Variants in MAST2 observed in about 807,000 individuals in gnomAD.
The protein encoded by MAST2 is microtubule associated serine/threonine kinase 2, also known as microtubule-associated serine/threonine-protein kinase 2.
Under a neutral mutation model 147.4 loss-of-function variants are expected in MAST2, and 70 were observed. The observed-to-expected ratio is 0.47, with a 90% confidence interval of 0.39 to 0.58. MAST2 has a LOEUF of 0.58. Ranked by LOEUF, MAST2 falls within the 20% of genes least tolerant of loss-of-function variation. The probability of loss-of-function intolerance (pLI) is 0.00; values close to 1 mark genes in which losing one functional copy is unlikely to be tolerated. For missense variants in MAST2, 2,080 were observed against 2,302.3 expected, an observed-to-expected ratio of 0.90 and a Z score of 1.98; for synonymous variants, 869 against 896.8, an observed-to-expected ratio of 0.97 and a Z score of 0.55.
chr1:45,985,913 T>G (rs934034788), intron 5 of MAST2, among the ~76,000 whole-genome samples: 4 of 152,244 alleles, frequency 2.6e-5, no homozygotes, highest in Non-Finnish European at 5.9e-5. Context: ...TGTATAAATG[T>G]AGTTGATTTT....
intron 1 of MAST2, among the ~76,000 whole-genome samples, chr1:45,809,859 A>G (rs1278054829): frequency 6.6e-6 from 1 of 152,208 alleles, no homozygotes; most frequent in Non-Finnish European, 1.5e-5. Flanking sequence ...AAAGCACATA[A>G]TAAGTAGGTG....
At chr1:45,878,023 G>A (rs1464247945) in intron 3 of MAST2, among the ~76,000 whole-genome samples, 2 of 152,044 alleles carry the variant, frequency 1.3e-5, no homozygotes, top group African/African-American at 4.8e-5. Flanking sequence ...GGCTAACATG[G>A]TGAAACCCCG....
At chr1:45,906,744 A>G (rs4660896) in intron 4 of MAST2, among the ~76,000 whole-genome samples, 51,267 of 151,036 alleles carry the variant, frequency 0.34, 9,112 homozygotes, top group African/African-American at 0.44. Context: ...TAGCCCAAGC[A>G]TACAATGTTT....
At chr1:45,990,660 A>T (rs1273139852) in intron 5 of MAST2, among the ~76,000 whole-genome samples, 1 of 151,998 alleles carries the variant, frequency 6.6e-6, no homozygotes, top group Non-Finnish European at 1.5e-5. Context: ...TAATTTTTAA[A>T]TTTTTTGTAG....
chr1:45,837,935 C>T (rs1019821142), intron 3 of MAST2, among the ~76,000 whole-genome samples: 7 of 152,112 alleles, frequency 4.6e-5, no homozygotes, highest in Admixed American at 2.0e-4. Flanking sequence ...CACGCCACCA[C>T]GCCCAGCTGA....
At chr1:45,902,811 G>T (rs1040619049) in intron 4 of MAST2, among the ~76,000 whole-genome samples, 24 of 152,202 alleles carry the variant, frequency 1.6e-4, no homozygotes, top group Admixed American at 1.6e-3. Context: ...TTGTGTTTCT[G>T]TGATATCAGT....
intron 20 of MAST2, 23 bp downstream of exon 20, chr1:46,029,976 T>C (rs1173385629): frequency 6.2e-7 from 1 of 1,613,100 alleles, no homozygotes; most frequent in Non-Finnish European, 8.5e-7. Flanking sequence ...ATGGGTGGGG[T>C]GGAGGATGGG....
chr1:45,954,298 T>C (rs1659352871), intron 4 of MAST2, among the ~76,000 whole-genome samples: 1 of 152,150 alleles, frequency 6.6e-6, no homozygotes, highest in Non-Finnish European at 1.5e-5. Flanking sequence ...GAGTGCCTGC[T>C]AGTTGCTGGA....
chr1:46,032,630 G>A lies in MAST2; in HGVS notation c.3449G>A (p.Gly1150Glu), dbSNP rs1437017254. 2 of 1,614,060 alleles carry A rather than the reference G, an allele frequency of 1.2e-6. No homozygotes were observed. The highest frequency in any genetic ancestry group is 1.7e-6 in the Non-Finnish European group (2 of 1,180,046). Reference protein sequence around the residue: ...VEDGGPASEAGLRQGDLITHV... With the variant: ...VEDGGPASEAELRQGDLITHV... Reference sequence around the variant, plus strand: ...GATGGAGGTCCGGCCAGTGAGGCAGGGCTTCGTCAAGGTGACCTCATCACC... The same window carrying A: ...GATGGAGGTCCGGCCAGTGAGGCAGAGCTTCGTCAAGGTGACCTCATCACC... The change falls in exon 26 of 29, where the codon GGG (glycine) becomes GAG (glutamate). Residue 1150 changes from glycine to glutamate, a missense_variant. Physicochemically the swap from Gly to Glu is moderately conservative, Grantham distance 98. Transcript: ENST00000361297.
In MAST2 at chr1:45,876,940, AGTCAGAACT is replaced by A. The variant is rs897062036; in HGVS notation, c.469-5419_469-5411del. ...TATTACCCATTTAAACTATTCAAGAAGTCAGAACTGTCATGTAGATTCAAAGAACAAATA... is the reference window on the plus strand; with the variant it reads ...TATTACCCATTTAAACTATTCAAGAAGTCATGTAGATTCAAAGAACAAATA... On this transcript the variant is annotated intron_variant, in intron 3 of 28. Transcript: ENST00000361297. Among the ~76,000 whole-genome samples the A allele has an allele frequency of 2.6e-5, 4 of 152,356 alleles. No individual in the cohort carries two copies. In the East Asian group the frequency reaches 7.7e-4, roughly 29 times the overall value.
At position 46,006,404 on chromosome 1, in the gene MAST2, G is replaced by C. The variant is rs767064721; in HGVS notation, c.902+9G>C. On this transcript the variant is annotated intron_variant, in intron 8 of 28. Coordinates refer to ENST00000361297, the MANE Select transcript of MAST2 (RefSeq NM_015112.3). ...CGCTCCCGGAGCCTCAGGTGAGGGTGCTCTCTGCCCACTGTTCCAGTGCAT... is the reference window on the plus strand; with the variant it reads ...CGCTCCCGGAGCCTCAGGTGAGGGTCCTCTCTGCCCACTGTTCCAGTGCAT... 6.2e-7 allele frequency: 1 copy of C among 1,609,900 alleles called. No homozygotes were observed.
intron 9 of MAST2, 25 bp downstream of exon 9, chr1:46,008,396 T>C (rs376650965): frequency 4.7e-5 from 73 of 1,545,976 alleles, no homozygotes; most frequent in Non-Finnish European, 6.5e-5. Flanking sequence ...AAAAGGAGAG[T>C]GGCAATACCC....
At position 46,030,655 on chromosome 1, in the gene MAST2, C is replaced by T; in HGVS notation, c.2602C>T (p.Pro868Ser). Reference sequence around the variant, plus strand: ...CTCACTGCTCGAGGAGCGCCGGACACCACCCCCGACCAAGCGCAGCCTGAG... The same window carrying T: ...CTCACTGCTCGAGGAGCGCCGGACATCACCCCCGACCAAGCGCAGCCTGAG... ...RLSLLEERRT[P>S]PPTKRSLSEE... Residue 868 changes from proline to serine, a missense_variant, in exon 22 of 29, where the codon CCA becomes TCA. Coordinates refer to ENST00000361297, the MANE Select transcript of MAST2 (RefSeq NM_015112.3). 1 of 1,611,596 alleles carries T rather than the reference C, an allele frequency of 6.2e-7. No individual in the cohort carries two copies. Among genetic ancestry groups the T allele is most frequent in the South Asian group, 1.1e-5 (1 of 90,472 alleles).
At chr1:45,816,029 A>G (rs1000004040) in intron 1 of MAST2, among the ~76,000 whole-genome samples, 2 of 152,208 alleles carry the variant, frequency 1.3e-5, no homozygotes, top group Non-Finnish European at 2.9e-5. Flanking sequence ...GCCTGGAACC[A>G]TAGCCTCCTC....
intron 5 of MAST2, among the ~76,000 whole-genome samples, chr1:45,960,902 G>A (rs943817285): frequency 5.3e-5 from 8 of 152,206 alleles, no homozygotes; most frequent in African/African-American, 1.9e-4. Flanking sequence ...AGTAAGATGT[G>A]TATATTCTCC....
At chr1:45,896,378 G>A (rs1404914445) in intron 4 of MAST2, among the ~76,000 whole-genome samples, 1 of 152,074 alleles carries the variant, frequency 6.6e-6, no homozygotes, top group Non-Finnish European at 1.5e-5. Context: ...ATATTGCAAA[G>A]GATAGAGATG....
intron 3 of MAST2, among the ~76,000 whole-genome samples, chr1:45,830,672 T>C (rs779147452): frequency 3.9e-5 from 6 of 152,108 alleles, no homozygotes; most frequent in African/African-American, 7.2e-5. Context: ...GGTATACATA[T>C]TTAGTACATG....
intron 10 of MAST2, among the ~76,000 whole-genome samples, chr1:46,017,553 A>G (rs1646006589): frequency 6.6e-6 from 1 of 152,198 alleles, no homozygotes; most frequent in South Asian, 2.1e-4. Context: ...TGCAGCCAAA[A>G]AACACATGAA....
chr1:45,846,536 CAT>C (rs1645441418), intron 3 of MAST2, among the ~76,000 whole-genome samples: 1 of 151,938 alleles, frequency 6.6e-6, no homozygotes, highest in Non-Finnish European at 1.5e-5. Context: ...AAATAAATAT[CAT>C]AGGCCAGGTG....
Sources: allele counts gnomAD v4.1 joint callset (sites outside exome capture counted in the v4.1 genomes callset), GRCh38; gene constraint gnomAD v4.1.1; transcripts MANE v1.5; gene names NCBI Gene and HGNC (gene_info 2026-07-23, HGNC 2026-07-21).